The following ZNF644 variants were observed in gnomAD, a reference collection of about 807,000 sequenced individuals.
The protein encoded by ZNF644 is zinc finger motif enhancer binding protein 2.
ZNF644 carries 20 observed loss-of-function variants against 108.0 expected under a neutral mutation model. The ratio of observed to expected loss-of-function variants is 0.19; its 90% confidence interval spans 0.13 to 0.27. The LOEUF is 0.27. Among genes scored for constraint, ZNF644 ranks in the 10% least tolerant of loss-of-function variants. The pLI is 1.00. For synonymous variants in ZNF644, 542 were observed against 539.1 expected (o/e 1.01, Z -0.08); for missense variants, 1,338 against 1,548.9 (o/e 0.86, Z 2.29).
At position 90,940,433 on chromosome 1, in the gene ZNF644, G is replaced by A; in HGVS notation, c.921C>T (p.Cys307=). 6.2e-7 allele frequency: 1 copy of A among 1,613,476 alleles called. No homozygotes were observed. The highest frequency in any genetic ancestry group is 1.7e-5 in the Admixed American group (1 of 59,946). The change falls in exon 3 of 6, where the codon TGC becomes TGT. Residue 307 remains cysteine, a synonymous_variant. Coordinates refer to ENST00000337393, the MANE Select transcript of ZNF644 (RefSeq NM_201269.3). ...VSKITRYTED[C]FSDSNCVPNK... The stretch of plus-strand genomic sequence containing the variant: ...TGGGTACACAATTAGAATCACTAAA[G>A]CAATCCTCGGTATAACGAGTTATCT...
chr1:90,967,788 C>T (rs981158547), intron 2 of ZNF644, among the ~76,000 whole-genome samples: 1 of 151,648 alleles, frequency 6.6e-6, no homozygotes, highest in Admixed American at 6.6e-5. Flanking sequence ...TGGCTCACGC[C>T]TGTAATCCCA....
chr1:90,923,398 G>C (rs1044145643), intron 4 of ZNF644, among the ~76,000 whole-genome samples: 3 of 151,964 alleles, frequency 2.0e-5, no homozygotes, highest in African/African-American at 7.2e-5. Context: ...ACTCTACACA[G>C]TATTAAAATT....
At chr1:91,005,939 G>C (rs1429713669) in intron 1 of ZNF644, among the ~76,000 whole-genome samples, 1 of 149,730 alleles carries the variant, frequency 6.7e-6, no homozygotes, top group Admixed American at 6.6e-5. Context: ...AAAAACAGTA[G>C]AGAAAAAAAA....
intron 4 of ZNF644, among the ~76,000 whole-genome samples, chr1:90,920,452 G>A (rs1487248471): frequency 6.6e-6 from 1 of 151,934 alleles, no homozygotes; most frequent in Non-Finnish European, 1.5e-5. Context: ...AGTTACAAAA[G>A]CATTTAAATT....
At chr1:90,930,122 A>T (rs1289317369) in intron 4 of ZNF644, among the ~76,000 whole-genome samples, 1 of 152,190 alleles carries the variant, frequency 6.6e-6, no homozygotes, top group Non-Finnish European at 1.5e-5. Flanking sequence ...CCCCATCTCT[A>T]CTAAAAATAC....
intron 1 of ZNF644, among the ~76,000 whole-genome samples, chr1:91,012,990 G>A (rs1467225314): frequency 1.3e-5 from 2 of 151,974 alleles, no homozygotes; most frequent in Non-Finnish European, 2.9e-5. Context: ...TTTGAAGATC[G>A]ACTAGGCTTT....
At chr1:90,974,298 C>T (rs1655785436) in intron 2 of ZNF644, among the ~76,000 whole-genome samples, 1 of 151,860 alleles carries the variant, frequency 6.6e-6, no homozygotes, top group East Asian at 1.9e-4. Context: ...CACTGCACTC[C>T]AGCCTGAGGG....
chr1:91,007,225 GTTTTTTTTTTTTTTTTT>G, intron 1 of ZNF644, among the ~76,000 whole-genome samples: 1 of 55,974 alleles, frequency 1.8e-5, no homozygotes, highest in Non-Finnish European at 3.3e-5. Context: ...CTCCCATTTT[GTTTTTTTTTTTTTTTTT>G]TTTTTTTTTT....
rs886215197 is a variant in ZNF644, at chr1:90,950,103, C to T, written c.45-8794G>A. ...GACCAGCCTGGGCAACATGGTGAAA[C>T]CCCGTCTCTACTAAAATATAAAAAA... is the stretch of plus-strand genomic sequence containing the variant. On this transcript the variant is annotated intron_variant, in intron 2 of 5. Coordinates refer to ENST00000337393, the MANE Select transcript of ZNF644 (RefSeq NM_201269.3). Among the ~76,000 whole-genome samples, 5 of 151,180 alleles carry T rather than the reference C, an allele frequency of 3.3e-5. No homozygotes were observed. The South Asian group carries it at 1.1e-3, about 32-fold the overall frequency.
In ZNF644 at chr1:90,939,238, G is replaced by A. The variant is rs908368905; in HGVS notation, c.2116C>T (p.His706Tyr). The stretch of plus-strand genomic sequence containing the variant: ...CTGCTTTTAATTGTAACATTCTTAT[G>A]AGGAGAGCTGTTTTGATTGCACATG... ...VNMCNQNSSP[H>Y]KNVTIKSSVD... The change falls in exon 3 of 6, where the codon CAT (histidine) becomes TAT (tyrosine). Residue 706 changes from histidine to tyrosine, a missense_variant. Physicochemically the swap from His to Tyr is moderately conservative, Grantham distance 83. Around this residue, in one of 6 missense-constraint regions of ZNF644, gnomAD observed 462 missense variants for 472.6 expected, o/e 0.98. Coordinates refer to ENST00000337393, the MANE Select transcript of ZNF644 (RefSeq NM_201269.3). 1.1e-5 allele frequency: 18 copies of A among 1,613,984 alleles called. No individual in the cohort carries two copies. In the Admixed American group the frequency reaches 1.3e-4, roughly 12 times the overall value.
chr1:90,943,402 T>C (rs536237682), intron 2 of ZNF644, among the ~76,000 whole-genome samples: 4 of 152,184 alleles, frequency 2.6e-5, no homozygotes, highest in African/African-American at 4.8e-5. Flanking sequence ...GATTGCGCCA[T>C]TGCACTCCAG....
intron 2 of ZNF644, among the ~76,000 whole-genome samples, chr1:90,943,398 G>A (rs959401418): frequency 1.3e-5 from 2 of 152,050 alleles, no homozygotes; most frequent in African/African-American, 2.4e-5. Flanking sequence ...CCAAGATTGC[G>A]CCATTGCACT....
intron 1 of ZNF644, among the ~76,000 whole-genome samples, chr1:91,017,579 T>C (rs935119999): frequency 2.6e-5 from 4 of 152,190 alleles, no homozygotes; most frequent in African/African-American, 9.7e-5. Flanking sequence ...ATCTCTCAAT[T>C]GTCAAAGGAT....
chr1:90,928,201 G>A (rs1650279081), intron 4 of ZNF644, among the ~76,000 whole-genome samples: 1 of 151,062 alleles, frequency 6.6e-6, no homozygotes, highest in Admixed American at 6.6e-5. Flanking sequence ...CGCCCAGGCT[G>A]GAGTGCAGTG....
At chr1:90,963,465 C>A (rs971225712) in intron 2 of ZNF644, among the ~76,000 whole-genome samples, 3 of 152,160 alleles carry the variant, frequency 2.0e-5, no homozygotes, top group South Asian at 4.1e-4. Flanking sequence ...AAACCAATGA[C>A]CCAGATTCTA....
At chr1:90,995,132 C>T (rs370432476) in intron 1 of ZNF644, among the ~76,000 whole-genome samples, 3 of 151,864 alleles carry the variant, frequency 2.0e-5, no homozygotes, top group Non-Finnish European at 2.9e-5. Flanking sequence ...TCTGAGTCTA[C>T]CTGAATTAAT....
chr1:90,974,618 T>C (rs1655810762), intron 2 of ZNF644, among the ~76,000 whole-genome samples: 1 of 152,152 alleles, frequency 6.6e-6, no homozygotes, highest in African/African-American at 2.4e-5. Flanking sequence ...CCACCAAAGC[T>C]GGTCTCTTTT....
chr1:90,970,840 A>C (rs1655377433), intron 2 of ZNF644, among the ~76,000 whole-genome samples: 1 of 152,022 alleles, frequency 6.6e-6, no homozygotes, highest in Admixed American at 6.6e-5. Context: ...TCTCTACTAA[A>C]AATACAAAAA....
chr1:90,928,417 A>G (rs541811228), intron 4 of ZNF644, among the ~76,000 whole-genome samples: 5 of 148,678 alleles, frequency 3.4e-5, no homozygotes, highest in African/African-American at 5.0e-5. Flanking sequence ...TTCTGGGTTC[A>G]TGCAATCCTC....
Sources: allele counts gnomAD v4.1 joint callset (sites outside exome capture counted in the v4.1 genomes callset), GRCh38; gene constraint gnomAD v4.1.1; regional missense constraint gnomAD v4.1.1; transcripts MANE v1.5; gene names NCBI Gene and HGNC (gene_info 2026-07-23, HGNC 2026-07-21).